Variants in PDE4D observed in about 807,000 individuals in gnomAD.
PDE4D encodes phosphodiesterase 4D, also known as 3',5'-cyclic-AMP phosphodiesterase 4D.
A neutral mutation model predicts 87.4 loss-of-function variants in PDE4D; 24 were observed. That is an observed-to-expected ratio of 0.27 (90% CI 0.20 to 0.39). The LOEUF is 0.39. Ranked by LOEUF, PDE4D falls within the 10% of genes least tolerant of loss-of-function variation. PDE4D has a pLI of 1.00. For missense variants in PDE4D, 714 were observed against 1,041.0 expected (o/e 0.69, Z 4.32); for synonymous variants, 384 against 383.2 (o/e 1.00, Z -0.02).
chr5:59,448,358 GT>G (rs1346066456), intron 1 of PDE4D, among the ~76,000 whole-genome samples: 1 of 152,098 alleles, frequency 6.6e-6, no homozygotes, highest in Non-Finnish European at 1.5e-5. Context: ...TCTGGGGTCT[GT>G]TCTCACACCT....
chr5:60,458,403 A>AAAAAAAAAAAAAAAAG (rs1476309415), intron 1 of PDE4D, among the ~76,000 whole-genome samples: 1 of 151,050 alleles, frequency 6.6e-6, no homozygotes, highest in Non-Finnish European at 1.5e-5. Context: ...AAAAAAAAAA[A>AAAAAAAAAAAAAAAAG]AAAAAGCAAA....
chr5:60,127,550 T>G, intron 2 of PDE4D: 1 of 451,946 alleles, frequency 2.2e-6, no homozygotes, highest in South Asian at 4.8e-5. Context: ...AACTGGAAGG[T>G]GAAATCGACA....
At chr5:60,325,342 T>C (rs1002638421) in intron 1 of PDE4D, among the ~76,000 whole-genome samples, 1 of 152,168 alleles carries the variant, frequency 6.6e-6, no homozygotes, top group Non-Finnish European at 1.5e-5. Context: ...TTCTTAAAGA[T>C]CTAAGATTTG....
chr5:60,225,830 GA>G (rs1317043602), intron 1 of PDE4D, among the ~76,000 whole-genome samples: 1 of 151,948 alleles, frequency 6.6e-6, no homozygotes, highest in Non-Finnish European at 1.5e-5. Context: ...ATATTTTACA[GA>G]TAGAAAAACT....
chr5:59,979,291 TA>T (rs1470072015), intron 3 of PDE4D, among the ~76,000 whole-genome samples: 3 of 151,768 alleles, frequency 2.0e-5, no homozygotes, highest in Admixed American at 6.6e-5. Flanking sequence ...AAGTGAATGG[TA>T]AAGAAGTATA....
intron 1 of PDE4D, among the ~76,000 whole-genome samples, chr5:60,313,548 A>C (rs1755243711): frequency 6.6e-6 from 1 of 152,198 alleles, no homozygotes; most frequent in African/African-American, 2.4e-5. Flanking sequence ...TATTCAAAAA[A>C]ACTGACTAGG....
At chr5:59,703,071 T>C (rs1018295581) in intron 1 of PDE4D, among the ~76,000 whole-genome samples, 1 of 152,042 alleles carries the variant, frequency 6.6e-6, no homozygotes, top group Non-Finnish European at 1.5e-5. Context: ...GTTCCCTGAG[T>C]CTCACTGGGA....
At chr5:59,271,254 G>A (rs1479639545) in intron 1 of PDE4D, among the ~76,000 whole-genome samples, 1 of 152,018 alleles carries the variant, frequency 6.6e-6, no homozygotes, top group African/African-American at 2.4e-5. Context: ...GGCCAGGCTG[G>A]TCTTGAACTC....
chr5:59,080,633 G>T (rs1373150406), intron 5 of PDE4D, among the ~76,000 whole-genome samples: 1 of 152,152 alleles, frequency 6.6e-6, no homozygotes, highest in Non-Finnish European at 1.5e-5. Context: ...AAGCTACAGG[G>T]CAAAACGGGG....
At chr5:59,450,501 G>A (rs535656592) in intron 1 of PDE4D, among the ~76,000 whole-genome samples, 1 of 152,184 alleles carries the variant, frequency 6.6e-6, no homozygotes, top group African/African-American at 2.4e-5. Context: ...AAGAATAAAA[G>A]GCAAGGTGGC....
intron 1 of PDE4D, chr5:60,521,894 C>T (rs1399943331): frequency 6.6e-6 from 1 of 151,402 alleles, no homozygotes; most frequent in Non-Finnish European, 1.5e-5. Flanking sequence ...CTCCTGAGTC[C>T]TTGGAACCCT....
At chr5:60,477,307 T>G (rs1265522425) in intron 1 of PDE4D, among the ~76,000 whole-genome samples, 1 of 152,128 alleles carries the variant, frequency 6.6e-6, no homozygotes. Context: ...ATTCAACAGT[T>G]TGTGGCTTAA....
intron 1 of PDE4D, among the ~76,000 whole-genome samples, chr5:59,574,115 TATAAATATA>T (rs1561241640): frequency 0.014 from 53 of 3,784 alleles, no homozygotes; most frequent in East Asian, 0.086. Flanking sequence ...TATATATATA[TATAAATATA>T]TATTTATATA....
rs1561688929 is a variant in PDE4D, at chr5:59,200,112, C to CATACATGCATGTAG, written c.648-6577_648-6576insCTACATGCATGTAT. On this transcript the variant is annotated intron_variant, in intron 2 of 14. Coordinates refer to ENST00000340635, the MANE Select transcript of PDE4D (RefSeq NM_001104631.2). ...GTATGTAGACATACATGTATGCACA[C>CATACATGCATGTAG]ACATACATGCATGTAGACATACATG... 1.8e-4 allele frequency among the ~76,000 whole-genome samples: 26 copies of CATACATGCATGTAG among 147,364 alleles called. 1 individual carries two copies. Among genetic ancestry groups the CATACATGCATGTAG allele is most frequent in the African/African-American group, 6.2e-4 (24 of 38,514 alleles).
At chr5:59,710,163 T>A (rs1754004179) in intron 1 of PDE4D, among the ~76,000 whole-genome samples, 1 of 152,176 alleles carries the variant, frequency 6.6e-6, no homozygotes, top group Admixed American at 6.6e-5. Flanking sequence ...TCGGAAGAAT[T>A]CAAGTCAGGA....
intron 2 of PDE4D, among the ~76,000 whole-genome samples, chr5:60,035,779 C>A (rs1051888488): frequency 2.0e-5 from 3 of 152,100 alleles, no homozygotes; most frequent in African/African-American, 7.2e-5. Flanking sequence ...ACTTACTTGT[C>A]TCAATAATTG....
At chr5:60,196,844 A>G (rs1426681624) in intron 1 of PDE4D, among the ~76,000 whole-genome samples, 1 of 151,474 alleles carries the variant, frequency 6.6e-6, no homozygotes, top group Non-Finnish European at 1.5e-5. Flanking sequence ...CTGTCTGAAT[A>G]CTTGTAAATT....
intron 1 of PDE4D, among the ~76,000 whole-genome samples, chr5:59,815,907 T>C (rs1341141690): frequency 6.6e-6 from 1 of 152,246 alleles, no homozygotes; most frequent in African/African-American, 2.4e-5. Flanking sequence ...CCTGAAATTA[T>C]TTTATTGTAA....
At position 60,063,144 on chromosome 5, in the gene PDE4D, AAG is replaced by A. The variant is rs1376536404; in HGVS notation, c.43-74429_43-74428del. 6.6e-5 allele frequency among the ~76,000 whole-genome samples: 10 copies of A among 151,292 alleles called. No homozygotes were observed. In the East Asian group the frequency reaches 1.6e-3, roughly 24 times the overall value. On this transcript the variant is annotated intron_variant, in intron 2 of 16. Coordinates refer to the PDE4D transcript ENST00000502484. ...AAAGAAAGAAAGAAAGAAAGAAAGA[AAG>A]AAAGAAAGAAGGAAAGAAAGAAAGA...
Sources: gnomAD v4.1 joint callset for allele counts (sites outside exome capture counted in the v4.1 genomes callset) on GRCh38, gnomAD v4.1.1 for gene constraint, MANE v1.5 for transcripts, NCBI Gene and HGNC (gene_info 2026-07-23, HGNC 2026-07-21) for gene names.